The following DLGAP2 variants were observed in gnomAD, a reference collection of about 807,000 sequenced individuals.
DLGAP2 encodes DLG associated protein 2.
DLGAP2 carries 26 observed loss-of-function variants against 100.3 expected under a neutral mutation model. The observed-to-expected ratio is 0.26, with a 90% CI of 0.19 to 0.36. DLGAP2 has a LOEUF of 0.36. DLGAP2 is among the 10% of genes least tolerant of loss of function. DLGAP2 has a pLI of 1.00. For synonymous variants in DLGAP2, 886 were observed against 630.1 expected, an observed-to-expected ratio of 1.41 and a Z score of -6.08; for missense variants, 1,858 against 1,453.2, an observed-to-expected ratio of 1.28 and a Z score of -4.53.
At chr8:1,600,387 T>A (rs1004027201) in intron 6 of DLGAP2, among the ~76,000 whole-genome samples, 4 of 152,194 alleles carry the variant, frequency 2.6e-5, no homozygotes, top group African/African-American at 7.2e-5. Flanking sequence ...TTTGTGGTGT[T>A]CTCTGTATTT....
chr8:1,501,886 C>T (rs1046929016), intron 4 of DLGAP2, among the ~76,000 whole-genome samples: 5 of 152,162 alleles, frequency 3.3e-5, no homozygotes, highest in African/African-American at 7.2e-5. Context: ...AAGGGCCCTG[C>T]GAGAGGCTGC....
intron 4 of DLGAP2, among the ~76,000 whole-genome samples, chr8:1,545,991 A>G (rs1366310082): frequency 6.6e-6 from 1 of 152,216 alleles, no homozygotes. Flanking sequence ...TAGGATGACA[A>G]CTTTATGCAG....
intron 2 of DLGAP2, among the ~76,000 whole-genome samples, chr8:1,230,532 A>G (rs1798514178): frequency 6.6e-6 from 1 of 152,242 alleles, no homozygotes; most frequent in African/African-American, 2.4e-5. Flanking sequence ...ATGTAGAACC[A>G]AAAAGCTCGA....
intron 3 of DLGAP2, among the ~76,000 whole-genome samples, chr8:1,417,081 G>A (rs1406879424): frequency 2.0e-5 from 3 of 151,366 alleles, no homozygotes; most frequent in African/African-American, 4.9e-5. Context: ...GAGAAAGGGC[G>A]GGGGTGGGGG....
chr8:1,323,075 G>C (rs561237138), intron 3 of DLGAP2, among the ~76,000 whole-genome samples: 1 of 149,818 alleles, frequency 6.7e-6, no homozygotes, highest in South Asian at 2.1e-4. Flanking sequence ...CTGTTACCCA[G>C]ACTGGAGTGC....
intron 3 of DLGAP2, chr8:1,300,729 C>T (rs958237851): frequency 6.6e-6 from 1 of 152,260 alleles, no homozygotes; most frequent in South Asian, 2.1e-4. Context: ...TTTTCTGAGA[C>T]TGCACCATGA....
At position 1,241,364 on chromosome 8, in the gene DLGAP2, C is replaced by CTCTCACATGGCGCCGTGTCTAGTTT. The variant is rs1798792629; in HGVS notation, c.74-17463_74-17462insTTCTCACATGGCGCCGTGTCTAGTT. On this transcript the variant is annotated intron_variant, in intron 2 of 14. Transcript: ENST00000637795. ...GTCTCACATGGCGCCGTGTCTAGTTCTCTCACATGGCGCCGTGTCTAGTTC... is the reference window on the plus strand; with the variant it reads ...GTCTCACATGGCGCCGTGTCTAGTTCTCTCACATGGCGCCGTGTCTAGTTTTCTCACATGGCGCCGTGTCTAGTTC... Among the ~76,000 whole-genome samples the CTCTCACATGGCGCCGTGTCTAGTTT allele has an allele frequency of 1.4e-5, 2 of 145,892 alleles. 1 individual carries two copies. The highest frequency in any genetic ancestry group is 3.9e-4 in the East Asian group (2 of 5,192).
At chr8:1,540,491 C>G (rs1478450946) in intron 4 of DLGAP2, among the ~76,000 whole-genome samples, 2 of 152,168 alleles carry the variant, frequency 1.3e-5, no homozygotes, top group African/African-American at 2.4e-5. Context: ...GAAGATCTAT[C>G]TAAAACCTCT....
At chr8:1,077,704 G>A (rs1044130244) in intron 2 of DLGAP2, among the ~76,000 whole-genome samples, 2 of 152,214 alleles carry the variant, frequency 1.3e-5, no homozygotes, top group African/African-American at 2.4e-5. Context: ...AAGCCCTTGA[G>A]CTATGTGTTT....
chr8:1,196,142 T>C (rs2116743209), intron 2 of DLGAP2, among the ~76,000 whole-genome samples: 1 of 152,366 alleles, frequency 6.6e-6, no homozygotes, highest in Non-Finnish European at 1.5e-5. Flanking sequence ...TCCACTTAAC[T>C]GCTTGTTGTA....
intron 1 of DLGAP2, among the ~76,000 whole-genome samples, chr8:863,263 A>T (rs1302145331): frequency 6.6e-6 from 1 of 152,248 alleles, no homozygotes. Context: ...GGGTTATTTA[A>T]GGATGTGCTT....
At chr8:1,238,642 C>G (rs375341537) in intron 2 of DLGAP2, among the ~76,000 whole-genome samples, 4 of 106,750 alleles carry the variant, frequency 3.7e-5, no homozygotes, top group East Asian at 2.6e-4. Flanking sequence ...GTCTAGTTAC[C>G]TCTCACATGG....
chr8:880,212 G>A (rs868363317), intron 1 of DLGAP2, among the ~76,000 whole-genome samples: 1 of 152,104 alleles, frequency 6.6e-6, no homozygotes, highest in Non-Finnish European at 1.5e-5. Context: ...TCTTAGGTTT[G>A]TTCCTCCGTC....
intron 3 of DLGAP2, among the ~76,000 whole-genome samples, chr8:1,449,252 C>T (rs1008473013): frequency 7.2e-5 from 11 of 152,224 alleles, no homozygotes; most frequent in Admixed American, 4.6e-4. Flanking sequence ...CCAATGAAGT[C>T]CTCACCCTGG....
In DLGAP2 at chr8:1,580,088, G is replaced by T. The variant is rs908409190; in HGVS notation, c.1442+14194G>T. 2.6e-5 allele frequency among the ~76,000 whole-genome samples: 4 copies of T among 152,174 alleles called. No homozygotes were observed. The South Asian group carries it at 8.3e-4, about 31-fold the overall frequency. Reference sequence around the variant, plus strand: ...CCACTGTTCTGTACACGATGACCAAGATTTCATCAAAATTTAGGAGACACC... The same window carrying T: ...CCACTGTTCTGTACACGATGACCAATATTTCATCAAAATTTAGGAGACACC... On this transcript the variant is annotated intron_variant, in intron 6 of 14. Transcript: ENST00000637795.
intron 2 of DLGAP2, among the ~76,000 whole-genome samples, chr8:980,521 C>T (rs1256677203): frequency 6.6e-6 from 1 of 152,190 alleles, no homozygotes; most frequent in Non-Finnish European, 1.5e-5. Flanking sequence ...GAACTGTGAC[C>T]TTGGGTGCTT....
intron 2 of DLGAP2, among the ~76,000 whole-genome samples, chr8:1,134,348 C>A (rs1387470315): frequency 1.3e-5 from 2 of 152,096 alleles, no homozygotes; most frequent in Non-Finnish European, 2.9e-5. Context: ...GGTTTATACC[C>A]AGTCATGGGA....
At chr8:1,651,337 G>A (rs1798158656) in intron 8 of DLGAP2, among the ~76,000 whole-genome samples, 1 of 152,188 alleles carries the variant, frequency 6.6e-6, no homozygotes, top group African/African-American at 2.4e-5. Flanking sequence ...CCCGTCAGCA[G>A]CCATGGTCAC....
intron 3 of DLGAP2, among the ~76,000 whole-genome samples, chr8:1,310,709 G>C (rs1343238462): frequency 6.6e-6 from 1 of 152,070 alleles, no homozygotes; most frequent in East Asian, 1.9e-4. Context: ...CCAGGCTGGA[G>C]TGCAGTAGTG....
Sources: allele counts gnomAD v4.1 joint callset (sites outside exome capture counted in the v4.1 genomes callset), GRCh38; gene constraint gnomAD v4.1.1; transcripts MANE v1.5; gene names NCBI Gene and HGNC (gene_info 2026-07-23, HGNC 2026-07-21).